Variants in PPP2R2A observed in about 807,000 individuals in gnomAD.
The protein encoded by PPP2R2A is protein phosphatase 2 regulatory subunit Balpha.
Under a neutral mutation model 53.2 loss-of-function variants are expected in PPP2R2A, and 9 were observed. The ratio of observed to expected loss-of-function variants is 0.17; its 90% CI spans 0.10 to 0.30. The LOEUF is 0.30. PPP2R2A is among the 10% of genes least tolerant of loss of function. PPP2R2A has a pLI of 1.00. For synonymous variants in PPP2R2A, 169 were observed against 174.2 expected, an observed-to-expected ratio of 0.97 and a Z score of 0.23; for missense variants, 235 against 534.6, an observed-to-expected ratio of 0.44 and a Z score of 5.53.
intron 2 of PPP2R2A, among the ~76,000 whole-genome samples, chr8:26,308,281 A>C (rs938096896): frequency 1.4e-4 from 22 of 152,226 alleles, no homozygotes; most frequent in African/African-American, 4.8e-4. Flanking sequence ...GGCACTTCTT[A>C]AAAAGTGCCA....
chr8:26,316,744 T>C (rs1161675390), intron 2 of PPP2R2A, among the ~76,000 whole-genome samples: 3 of 152,192 alleles, frequency 2.0e-5, no homozygotes, highest in Non-Finnish European at 4.4e-5. Flanking sequence ...TGTCTTGACA[T>C]GATAGAAGGG....
intron 2 of PPP2R2A, among the ~76,000 whole-genome samples, chr8:26,320,260 G>A (rs913928805): frequency 2.0e-5 from 3 of 152,178 alleles, no homozygotes; most frequent in Non-Finnish European, 4.4e-5. Flanking sequence ...AGACGAAAAA[G>A]CAGAATCCTG....
rs994192253 is a variant in PPP2R2A, at chr8:26,360,745, C to T, written c.460-229C>T. The T allele has an allele frequency of 6.6e-6, 3 of 451,268 alleles. No individual in the cohort carries two copies. The highest frequency in any genetic ancestry group is 1.2e-5 in the Non-Finnish European group (3 of 260,432). The allele number at this position is 451,268 out of a possible 1,614,324, so 28.0% of individuals were successfully genotyped here. A position where few individuals can be genotyped will look rare whatever the true frequency, so the allele number is the denominator to read the frequency against. On this transcript the variant is annotated intron_variant, in intron 5 of 9. Transcript: ENST00000380737. The surrounding 1 kb of genome is among the most constrained non-coding windows in gnomAD (Gnocchi z 4.5). Reference sequence around the variant, plus strand: ...AGCAAAATATTGAAACTAAGAACTGCAAATTCTAATAGTATTGCAACCAGT... The same window carrying T: ...AGCAAAATATTGAAACTAAGAACTGTAAATTCTAATAGTATTGCAACCAGT...
At position 26,291,759 on chromosome 8, in the gene PPP2R2A, G is replaced by A. The variant is rs1801305268; in HGVS notation, c.-61G>A. The A allele has an allele frequency of 6.3e-7, 1 of 1,581,892 alleles. No individual in the cohort carries two copies. Among genetic ancestry groups the A allele is most frequent in the Non-Finnish European group, 8.6e-7 (1 of 1,165,360 alleles). ...CTACCCCCCCATCCCCAGGTGAGGG[G>A]GGTGAGTTCAGGAAGCGGAGACCCC... is the stretch of plus-strand genomic sequence containing the variant. On this transcript the variant is annotated 5_prime_UTR_variant, in exon 1 of 10. Transcript: ENST00000380737.
intron 2 of PPP2R2A, among the ~76,000 whole-genome samples, chr8:26,301,394 G>A (rs142051944): frequency 4.8e-4 from 71 of 148,962 alleles, no homozygotes; most frequent in African/African-American, 1.6e-3. Context: ...GTGCAATGGC[G>A]TGATCATGGC....
At chr8:26,327,985 T>TG (rs1259337238) in intron 2 of PPP2R2A, among the ~76,000 whole-genome samples, 1 of 152,190 alleles carries the variant, frequency 6.6e-6, no homozygotes, top group African/African-American at 2.4e-5. Context: ...GAGGTAAAGG[T>TG]GATCTATAGT....
chr8:26,355,288 A>G (rs553617385), intron 4 of PPP2R2A, among the ~76,000 whole-genome samples: 32 of 152,260 alleles, frequency 2.1e-4, no homozygotes, highest in South Asian at 1.7e-3. Context: ...TTTTGAGACA[A>G]TGTCTGTCGC....
chr8:26,297,743 C>T (rs1304160300), intron 2 of PPP2R2A, among the ~76,000 whole-genome samples: 1 of 152,008 alleles, frequency 6.6e-6, no homozygotes, highest in Non-Finnish European at 1.5e-5. Flanking sequence ...AGAACAGTAC[C>T]CAGCAGAAAA....
At chr8:26,292,478 G>GT in intron 1 of PPP2R2A, 1 of 973,502 alleles carries the variant, frequency 1.0e-6, no homozygotes, top group East Asian at 1.1e-4. Context: ...TAAACTTTGC[G>GT]TTTAGCATGT....
chr8:26,293,747 A>G lies in PPP2R2A; in HGVS notation c.82+7A>G. ...GATGATGATGTAGCAGAAGGTAAGA[A>G]AGCGTTTAATGCAAAATTTGGATAT... On this transcript the variant is annotated splice_region_variant and intron_variant, in intron 2 of 9. Transcript: ENST00000380737. 2 of 1,613,072 alleles carry G rather than the reference A, an allele frequency of 1.2e-6. No homozygotes were observed. Among genetic ancestry groups the G allele is most frequent in the Non-Finnish European group, 1.7e-6 (2 of 1,179,286 alleles).
intron 8 of PPP2R2A, among the ~76,000 whole-genome samples, chr8:26,364,717 CAA>C (rs1805278182): frequency 6.6e-6 from 1 of 152,126 alleles, no homozygotes; most frequent in Non-Finnish European, 1.5e-5. Flanking sequence ...AAACAAAAGA[CAA>C]AATACTGCTT....
intron 2 of PPP2R2A, among the ~76,000 whole-genome samples, chr8:26,302,996 A>T (rs575998982): frequency 6.6e-6 from 1 of 152,348 alleles, no homozygotes; most frequent in Non-Finnish European, 1.5e-5. Flanking sequence ...GTCTGTTCAT[A>T]GATTTCATTT....
At chr8:26,312,307 C>T (rs1420017851) in intron 2 of PPP2R2A, among the ~76,000 whole-genome samples, 1 of 152,164 alleles carries the variant, frequency 6.6e-6, no homozygotes, top group East Asian at 1.9e-4. Context: ...TGTGAATGTC[C>T]TGGGAATCTG....
intron 2 of PPP2R2A, among the ~76,000 whole-genome samples, chr8:26,326,831 A>C (rs1460288597): frequency 6.6e-6 from 1 of 152,180 alleles, no homozygotes; most frequent in Non-Finnish European, 1.5e-5. Flanking sequence ...TAGAATGCTC[A>C]ATTTAGAGCT....
chr8:26,352,451 T>C (rs1335710304), intron 3 of PPP2R2A, among the ~76,000 whole-genome samples: 1 of 152,246 alleles, frequency 6.6e-6, no homozygotes, highest in Non-Finnish European at 1.5e-5. Context: ...TTACTGCTGC[T>C]GTCATTTCTG....
intron 2 of PPP2R2A, 104 bp downstream of exon 2, chr8:26,293,844 T>C (rs547258391): frequency 1.2e-4 from 132 of 1,058,116 alleles, no homozygotes; most frequent in Non-Finnish European, 1.4e-4. Flanking sequence ...TCAAGATGAT[T>C]TTGTTGTCCA....
intron 2 of PPP2R2A, among the ~76,000 whole-genome samples, chr8:26,322,281 G>A (rs1802876561): frequency 6.6e-6 from 1 of 152,168 alleles, no homozygotes; most frequent in Non-Finnish European, 1.5e-5. Flanking sequence ...GTTGAAAATT[G>A]TAACAAAAAT....
chr8:26,344,843 C>T (rs892264563), intron 3 of PPP2R2A, among the ~76,000 whole-genome samples: 3 of 152,006 alleles, frequency 2.0e-5, no homozygotes, highest in Admixed American at 6.6e-5. Flanking sequence ...GGTGAGTATC[C>T]CTTATCTGAA....
rs995219612 is a variant in PPP2R2A at position 26,321,358 on chromosome 8, G to A, written c.83-17532G>A. Reference sequence around the variant, plus strand: ...GCACAAAGTTGAAACTCTGCCCCCAGGCTGCCTTCTTTGTCAGGCAGCCGC... The same window carrying A: ...GCACAAAGTTGAAACTCTGCCCCCAAGCTGCCTTCTTTGTCAGGCAGCCGC... On this transcript the variant is annotated intron_variant, in intron 2 of 9. Transcript: ENST00000380737. This position sits in a 1 kb window ranked among gnomAD's most constrained non-coding sequence, Gnocchi z 4.1. 1.3e-5 allele frequency among the ~76,000 whole-genome samples: 2 copies of A among 152,154 alleles called. No individual in the cohort carries two copies. Among genetic ancestry groups the A allele is most frequent in the Non-Finnish European group, 2.9e-5 (2 of 68,034 alleles).
Sources: gnomAD v4.1 joint callset for allele counts (sites outside exome capture counted in the v4.1 genomes callset) on GRCh38, gnomAD v4.1.1 for gene constraint, Gnocchi (gnomAD v3.1) non-coding constraint, MANE v1.5 for transcripts, NCBI Gene and HGNC (gene_info 2026-07-23, HGNC 2026-07-21) for gene names.